Variants in NSMCE2 observed in about 807,000 individuals in gnomAD.
NSMCE2 encodes the protein NSE2 SUMO ligase component of SMC5/6 complex, also known as E3 SUMO-protein ligase NSE2.
Under a neutral mutation model 23.8 loss-of-function variants are expected in NSMCE2, and 24 were observed. The ratio of observed to expected loss-of-function variants is 1.01; its 90% CI spans 0.73 to 1.42. The LOEUF is 1.42. Ranked by LOEUF, NSMCE2 falls within the 40% of genes most tolerant of loss-of-function variation. NSMCE2 has a pLI of 0.00. For missense variants in NSMCE2, 284 were observed against 296.5 expected (o/e 0.96, Z 0.31); for synonymous variants, 92 against 94.1 (o/e 0.98, Z 0.13).
rs576423772 is a variant in NSMCE2, at chr8:125,261,537, G to A, written c.418+79281G>A. ...TCATTGGAGATTCAGCACACTTCAG[G>A]CATTTTAATAAAACTCTAGTATCTT... On this transcript the variant is annotated intron_variant, in intron 5 of 7. Transcript: ENST00000287437. Among the ~76,000 whole-genome samples, 19 of 152,106 alleles carry A rather than the reference G, an allele frequency of 1.2e-4. No individual in the cohort carries two copies. The South Asian group carries it at 3.5e-3, about 28-fold the overall frequency.
intron 5 of NSMCE2, among the ~76,000 whole-genome samples, chr8:125,350,077 C>T (rs1812969526): frequency 1.3e-5 from 2 of 152,174 alleles, no homozygotes; most frequent in Non-Finnish European, 2.9e-5. Context: ...ACCTACTACC[C>T]TATGCCAGGG....
At chr8:125,104,976 T>C (rs141453077) in intron 3 of NSMCE2, among the ~76,000 whole-genome samples, 463 of 152,286 alleles carry the variant, frequency 3.0e-3, no homozygotes, top group African/African-American at 0.01. Context: ...TGAGCCGAGA[T>C]TGTGCCACTG....
At chr8:125,236,474 G>T (rs548343586) in intron 5 of NSMCE2, among the ~76,000 whole-genome samples, 3 of 151,886 alleles carry the variant, frequency 2.0e-5, no homozygotes, top group South Asian at 4.2e-4. Context: ...TACATAATAA[G>T]TATATAAATT....
chr8:125,103,077 C>A (rs1818276870), intron 3 of NSMCE2, among the ~76,000 whole-genome samples: 2 of 152,080 alleles, frequency 1.3e-5, no homozygotes, highest in African/African-American at 2.4e-5. Flanking sequence ...ACCAGCCTGG[C>A]CAATATGGTG....
At chr8:125,104,028 T>C (rs940997839) in intron 3 of NSMCE2, among the ~76,000 whole-genome samples, 1 of 151,710 alleles carries the variant, frequency 6.6e-6, no homozygotes, top group Non-Finnish European at 1.5e-5. Context: ...TTTGCTCTTG[T>C]TGCCCAGGCT....
chr8:125,128,918 A>G (rs1019779926), intron 3 of NSMCE2, among the ~76,000 whole-genome samples: 1 of 152,148 alleles, frequency 6.6e-6, no homozygotes, highest in African/African-American at 2.4e-5. Context: ...ATTTCCATCT[A>G]TAATCTTAAT....
chr8:125,235,055 G>T (rs750147835), intron 5 of NSMCE2, among the ~76,000 whole-genome samples: 52 of 152,010 alleles, frequency 3.4e-4, no homozygotes, highest in Non-Finnish European at 6.0e-4. Context: ...AGACCAGCCT[G>T]GCCAACATGG....
At chr8:125,227,014 C>T (rs1401245912) in intron 5 of NSMCE2, among the ~76,000 whole-genome samples, 3 of 152,132 alleles carry the variant, frequency 2.0e-5, no homozygotes, top group Non-Finnish European at 2.9e-5. Context: ...TAGGGACTCA[C>T]CAGTGAGTGC....
intron 3 of NSMCE2, among the ~76,000 whole-genome samples, chr8:125,125,062 T>C (rs1283662076): frequency 6.6e-6 from 1 of 152,150 alleles, no homozygotes; most frequent in Non-Finnish European, 1.5e-5. Context: ...CCCAAAGTGC[T>C]GGGACTACGG....
At chr8:125,131,700 G>A (rs2130565778) in intron 3 of NSMCE2, among the ~76,000 whole-genome samples, 1 of 152,260 alleles carries the variant, frequency 6.6e-6, no homozygotes, top group African/African-American at 2.4e-5. Flanking sequence ...TGCAGTCTTA[G>A]AGGCACCTGG....
chr8:125,158,657 T>A (rs1362908274), intron 4 of NSMCE2, among the ~76,000 whole-genome samples: 3 of 152,214 alleles, frequency 2.0e-5, no homozygotes, highest in African/African-American at 7.2e-5. Flanking sequence ...ATTTCTGACA[T>A]TGTAGATAGT....
chr8:125,175,448 T>C (rs542829740), intron 4 of NSMCE2, among the ~76,000 whole-genome samples: 1 of 152,348 alleles, frequency 6.6e-6, no homozygotes, highest in Non-Finnish European at 1.5e-5. Flanking sequence ...AAACTGCTTA[T>C]CACTAGTATG....
intron 5 of NSMCE2, among the ~76,000 whole-genome samples, chr8:125,309,781 G>A (rs564326563): frequency 9.8e-5 from 15 of 152,286 alleles, no homozygotes; most frequent in South Asian, 4.1e-4. Flanking sequence ...ACATGAGGCC[G>A]TGGACTTCTC....
At chr8:125,150,674 G>T (rs1393786206) in intron 3 of NSMCE2, among the ~76,000 whole-genome samples, 1 of 151,918 alleles carries the variant, frequency 6.6e-6, no homozygotes, top group African/African-American at 2.4e-5. Context: ...TAGTCACCAC[G>T]CCCGGCTGCT....
chr8:125,226,206 C>T (rs1825085011), intron 5 of NSMCE2, among the ~76,000 whole-genome samples: 1 of 152,266 alleles, frequency 6.6e-6, no homozygotes, highest in South Asian at 2.1e-4. Context: ...TCCCAGAGGG[C>T]CTCATGACTT....
intron 3 of NSMCE2, among the ~76,000 whole-genome samples, chr8:125,118,711 T>G (rs1819135614): frequency 6.6e-6 from 1 of 152,192 alleles, no homozygotes. Context: ...GTTGATTCTA[T>G]TAGACCAGAG....
In NSMCE2 at chr8:125,366,933, A is replaced by C. The variant is rs963917092; in HGVS notation, c.*48A>C. 1 of 1,082,292 alleles carries C rather than the reference A, an allele frequency of 9.2e-7. No homozygotes were observed. The highest frequency in any genetic ancestry group is 2.0e-4 in the Middle Eastern group (1 of 5,040). 67.0% of individuals were successfully genotyped at this position (1,082,292 alleles called of 1,614,324 possible). A position where few individuals can be genotyped will look rare whatever the true frequency, so the allele number is the denominator to read the frequency against. On this transcript the variant is annotated 3_prime_UTR_variant, in exon 8 of 8. Transcript: ENST00000287437. ...ACACCAGCAGCCTACCTCCTACCCCAGCTGTCTGTTGAGAGCAGTGCTGAC... is the reference window on the plus strand; with the variant it reads ...ACACCAGCAGCCTACCTCCTACCCCCGCTGTCTGTTGAGAGCAGTGCTGAC...
At chr8:125,329,506 T>G (rs1410660030) in intron 5 of NSMCE2, among the ~76,000 whole-genome samples, 2 of 152,234 alleles carry the variant, frequency 1.3e-5, no homozygotes, top group African/African-American at 4.8e-5. Context: ...GGTGTTTATG[T>G]TGATGTTTTA....
intron 3 of NSMCE2, among the ~76,000 whole-genome samples, chr8:125,136,260 A>G (rs1820062801): frequency 1.3e-5 from 2 of 152,268 alleles, no homozygotes; most frequent in South Asian, 2.1e-4. Flanking sequence ...TGGAAGAACT[A>G]TTAGAGGGAA....
Sources: gnomAD v4.1 joint callset for allele counts (sites outside exome capture counted in the v4.1 genomes callset) on GRCh38, gnomAD v4.1.1 for gene constraint, MANE v1.5 for transcripts, NCBI Gene and HGNC (gene_info 2026-07-23, HGNC 2026-07-21) for gene names.